TEX26: variants seen among roughly 807,000 people sequenced by gnomAD.
The protein encoded by TEX26 is testis expressed 26, also known as testis-expressed protein 26.
In TEX26, 34 loss-of-function variants were observed where a neutral mutation model predicts 35.3. The observed-to-expected ratio is 0.96, with a 90% CI of 0.73 to 1.28. The LOEUF is 1.28. TEX26 is among the 50% of genes most tolerant of loss of function. The pLI is 0.00. For missense variants in TEX26, 371 were observed against 330.1 expected, an observed-to-expected ratio of 1.12 and a Z score of -0.96; for synonymous variants, 136 against 111.8, an observed-to-expected ratio of 1.22 and a Z score of -1.36.
At position 30,968,800 on chromosome 13, in the gene TEX26, C is replaced by T; in HGVS notation, c.647-85C>T. 3.0e-6 allele frequency: 4 copies of T among 1,338,892 alleles called. No homozygotes were observed. In the South Asian group the frequency reaches 4.3e-5, roughly 14 times the overall value. The allele number at this position is 1,338,892 out of a possible 1,614,324, so 82.9% of individuals were successfully genotyped here. A position where few individuals can be genotyped will look rare whatever the true frequency, so the allele number is the denominator to read the frequency against. On this transcript the variant is annotated intron_variant, in intron 5 of 6. Transcript: ENST00000380473. ...AGCTCAAAGCTGGGCTGGGGGCTGT[C>T]AGGGTCATTTTCAAACAATAAGGGC...
At chr13:30,932,813 C>G in intron 1 of TEX26, 37 bp downstream of exon 1, 1 of 1,604,644 alleles carries the variant, frequency 6.2e-7, no homozygotes, top group East Asian at 2.2e-5. Flanking sequence ...CGGGGCGGGG[C>G]TGGGGTCTTT....
chr13:30,952,991 C>A (rs1953987980), intron 3 of TEX26, among the ~76,000 whole-genome samples, 166 bp downstream of exon 3: 1 of 152,136 alleles, frequency 6.6e-6, no homozygotes, highest in Non-Finnish European at 1.5e-5. Flanking sequence ...TTATTTCTAA[C>A]CTCTTGTGTT....
At chr13:30,935,214 G>A (rs1383616843) in intron 1 of TEX26, among the ~76,000 whole-genome samples, 1 of 152,254 alleles carries the variant, frequency 6.6e-6, no homozygotes, top group African/African-American at 2.4e-5. Flanking sequence ...GAGTGGGGTT[G>A]GGACCAAGCC....
rs9594838 is a variant in TEX26, at chr13:30,972,445, A to G, written c.809-2401A>G. On this transcript the variant is annotated intron_variant, in intron 6 of 6. Coordinates refer to ENST00000380473, the MANE Select transcript of TEX26 (RefSeq NM_152325.3). ...TATACCTCTGGTATCAGAAGAAAGGATTTTTTTCTTATTTTAATATAAATT... is the reference window on the plus strand; with the variant it reads ...TATACCTCTGGTATCAGAAGAAAGGGTTTTTTTCTTATTTTAATATAAATT... 2.0e-3 allele frequency among the ~76,000 whole-genome samples: 298 copies of G among 152,138 alleles called. 2 individuals carry two copies. In the Middle Eastern group the frequency reaches 0.027, roughly 14 times the overall value.
At chr13:30,943,316 A>G (rs1173683116) in intron 2 of TEX26, among the ~76,000 whole-genome samples, 2 of 152,152 alleles carry the variant, frequency 1.3e-5, no homozygotes, top group African/African-American at 4.8e-5. Flanking sequence ...TGTATATAGC[A>G]GTGCTACTGA....
chr13:30,956,284 C>T (rs1954126937), intron 3 of TEX26, among the ~76,000 whole-genome samples: 1 of 150,558 alleles, frequency 6.6e-6, no homozygotes, highest in Non-Finnish European at 1.5e-5. Context: ...TTTGTCCTTG[C>T]AATAGTTTGC....
At chr13:30,950,381 T>TA (rs929842855) in intron 2 of TEX26, among the ~76,000 whole-genome samples, 417 of 146,118 alleles carry the variant, frequency 2.9e-3, no homozygotes, top group Middle Eastern at 7.0e-3. Context: ...CTCTGTCAAA[T>TA]AAAAAAAAAA....
intron 2 of TEX26, among the ~76,000 whole-genome samples, chr13:30,952,023 T>G (rs1953945591): frequency 8.1e-5 from 7 of 86,154 alleles, no homozygotes; most frequent in East Asian, 6.2e-4. Flanking sequence ...TTTTTTTTTT[T>G]TTTTTTTTTT....
chr13:30,975,080 A>T lies in TEX26; in HGVS notation c.*173A>T. ...GCTTTATTTTTAAACAATAAAATTA[A>T]GGCTACAAAATTTTCCCTGAACATA... is the stretch of plus-strand genomic sequence containing the variant. On this transcript the variant is annotated 3_prime_UTR_variant, in exon 7 of 7. Transcript: ENST00000380473. 2.1e-6 allele frequency: 1 copy of T among 480,452 alleles called. No homozygotes were observed. The highest frequency in any genetic ancestry group is 3.8e-5 in the South Asian group (1 of 26,026). The allele number at this position is 480,452 out of a possible 1,614,324, so 29.8% of individuals were successfully genotyped here.
chr13:30,948,822 A>G (rs993767321), intron 2 of TEX26, among the ~76,000 whole-genome samples: 11 of 152,202 alleles, frequency 7.2e-5, no homozygotes, highest in Non-Finnish European at 1.6e-4. Flanking sequence ...GGCCATGTCT[A>G]TGTCCTGAAT....
At chr13:30,960,104 A>G (rs1173039109) in intron 4 of TEX26, among the ~76,000 whole-genome samples, 1 of 152,258 alleles carries the variant, frequency 6.6e-6, no homozygotes, top group African/African-American at 2.4e-5. Context: ...TATACTTTCA[A>G]AAGTTCCTCC....
chr13:30,962,160 C>T (rs970097434), intron 4 of TEX26, among the ~76,000 whole-genome samples: 2 of 152,202 alleles, frequency 1.3e-5, no homozygotes, highest in African/African-American at 2.4e-5. Flanking sequence ...TCCTCTAACC[C>T]ACTGTCCATA....
intron 4 of TEX26, among the ~76,000 whole-genome samples, chr13:30,960,623 T>A (rs1954303517): frequency 6.6e-6 from 1 of 152,210 alleles, no homozygotes; most frequent in Non-Finnish European, 1.5e-5. Flanking sequence ...TAAGCTCTCT[T>A]TCTTCCTCCC....
rs535054671 is a variant in TEX26, at chr13:30,941,832, A to G, written c.146+2054A>G. On this transcript the variant is annotated intron_variant, in intron 2 of 6. Transcript: ENST00000380473. ...CATCCAAGTTGCTGCGAAAGACATT[A>G]TTTCATCTTTCTTATGGCTGTGTAA... Among the ~76,000 whole-genome samples the G allele has an allele frequency of 5.3e-5, 8 of 152,256 alleles. No homozygotes were observed. The East Asian group carries it at 1.3e-3, about 26-fold the overall frequency.
At chr13:30,974,646 A>G (rs965444934) in intron 6 of TEX26, among the ~76,000 whole-genome samples, 200 bp from the exon 7 acceptor site, 15 of 152,198 alleles carry the variant, frequency 9.9e-5, no homozygotes, top group Admixed American at 9.8e-4. Context: ...CTTGAGTATT[A>G]AGTTTACTCT....
intron 2 of TEX26, among the ~76,000 whole-genome samples, chr13:30,942,141 G>A (rs1953538018): frequency 6.6e-6 from 1 of 152,098 alleles, no homozygotes; most frequent in African/African-American, 2.4e-5. Context: ...GGGTATAAGT[G>A]TTCTCTTTTC....
intron 6 of TEX26, 97 bp from the exon 7 acceptor site, chr13:30,974,746 GTAA>G: frequency 8.3e-7 from 1 of 1,207,084 alleles, no homozygotes. Flanking sequence ...TGTGTATTTA[GTAA>G]TATTATCAGA....
chr13:30,947,514 A>G (rs1953756722), intron 2 of TEX26, among the ~76,000 whole-genome samples: 1 of 151,954 alleles, frequency 6.6e-6, no homozygotes, highest in Non-Finnish European at 1.5e-5. Flanking sequence ...TTGGTTCGGT[A>G]CTCCTTAAAT....
chr13:30,956,359 G>A (rs1028491273), intron 3 of TEX26, among the ~76,000 whole-genome samples: 7 of 151,780 alleles, frequency 4.6e-5, no homozygotes, highest in African/African-American at 1.7e-4. Flanking sequence ...CATTTTTTAT[G>A]GCTGCATAGT....
Sources: allele counts gnomAD v4.1 joint callset (sites outside exome capture counted in the v4.1 genomes callset), GRCh38; gene constraint gnomAD v4.1.1; transcripts MANE v1.5; gene names NCBI Gene and HGNC (gene_info 2026-07-23, HGNC 2026-07-21).